ANO2: variants seen among roughly 807,000 people sequenced by gnomAD.
ANO2 encodes anoctamin 2.
Under a neutral mutation model 124.2 loss-of-function variants are expected in ANO2, and 101 were observed. The observed-to-expected ratio is 0.81, with a 90% CI of 0.69 to 0.96. ANO2 has a LOEUF of 0.96. ANO2 is among the 40% of genes least tolerant of loss of function. The pLI is 0.00. For missense variants in ANO2, 1,293 were observed against 1,274.5 expected (o/e 1.01, Z -0.22); for synonymous variants, 486 against 482.5 (o/e 1.01, Z -0.09).
At chr12:5,857,772 T>TGATAGACAGATAGATAGATA (rs1555174404) in intron 3 of ANO2, among the ~76,000 whole-genome samples, 2 of 148,290 alleles carry the variant, frequency 1.3e-5, no homozygotes, top group African/African-American at 5.0e-5. Flanking sequence ...AAAAGAAATG[T>TGATAGACAGATAGATAGATA]GATAGATAGA....
intron 7 of ANO2, among the ~76,000 whole-genome samples, chr12:5,824,643 C>T (rs1953902139): frequency 6.6e-6 from 1 of 152,190 alleles, no homozygotes; most frequent in Non-Finnish European, 1.5e-5. Context: ...CAAACTGTTC[C>T]AACCTCCACC....
At chr12:5,799,623 C>G in intron 9 of ANO2, 52 bp from the exon 10 acceptor site, 1 of 1,540,582 alleles carries the variant, frequency 6.5e-7, no homozygotes, top group Non-Finnish European at 8.9e-7. Flanking sequence ...GGAAACTTCA[C>G]CTGATTTTGT....
rs1342622225 is a variant in ANO2, at chr12:5,658,660, TCATCATCAA to T, written c.1546-10868_1546-10860del. Among the ~76,000 whole-genome samples, 25 of 150,696 alleles carry T rather than the reference TCATCATCAA, an allele frequency of 1.7e-4. No individual in the cohort carries two copies. The highest frequency in any genetic ancestry group is 6.0e-4 in the African/African-American group (24 of 39,982). ...ATCATTGTCATCAATATCATCATCATCATCATCAACATCATTATCATCATTAAATCATCA... is the reference window on the plus strand; with the variant it reads ...ATCATTGTCATCAATATCATCATCATCATCATTATCATCATTAAATCATCA... On this transcript the variant is annotated intron_variant, in intron 14 of 24. Coordinates refer to ENST00000682330, the MANE Select transcript of ANO2 (RefSeq NM_001364791.2). The surrounding 1 kb of genome is among the most constrained non-coding windows in gnomAD (Gnocchi z 4.3).
At chr12:5,808,807 G>A (rs1472198282) in intron 7 of ANO2, among the ~76,000 whole-genome samples, 11 of 152,138 alleles carry the variant, frequency 7.2e-5, no homozygotes, top group Non-Finnish European at 1.5e-5. Context: ...CACATGCTCA[G>A]AGACCCGCAG....
intron 20 of ANO2, among the ~76,000 whole-genome samples, chr12:5,584,706 C>T (rs1234631764): frequency 3.3e-5 from 5 of 152,164 alleles, no homozygotes; most frequent in African/African-American, 1.2e-4. Context: ...CTGACAACGT[C>T]TGGCATAAAA....
intron 14 of ANO2, among the ~76,000 whole-genome samples, chr12:5,691,372 A>G (rs1244860744): frequency 1.3e-5 from 2 of 151,844 alleles, no homozygotes; most frequent in Non-Finnish European, 2.9e-5. Context: ...AAAAGAAAAA[A>G]AGAAATAAGC....
In ANO2 at chr12:5,668,343, G is replaced by C. The variant is rs576868243; in HGVS notation, c.1546-20542C>G. Among the ~76,000 whole-genome samples, 5 of 151,962 alleles carry C rather than the reference G, an allele frequency of 3.3e-5. No individual in the cohort carries two copies. The South Asian group carries it at 8.3e-4, about 25-fold the overall frequency. ...TTATTCATATGTTTGTTGGCTGCAC[G>C]AATGTCTTCTTTTGAGAAGTGTCCA... On this transcript the variant is annotated intron_variant, in intron 14 of 24. Coordinates refer to ENST00000682330, the MANE Select transcript of ANO2 (RefSeq NM_001364791.2).
intron 1 of ANO2, among the ~76,000 whole-genome samples, chr12:5,927,177 G>A (rs1016635391): frequency 6.6e-6 from 1 of 152,170 alleles, no homozygotes; most frequent in African/African-American, 2.4e-5. Flanking sequence ...AGCAGGAGAA[G>A]CACTGGCTGT....
intron 1 of ANO2, among the ~76,000 whole-genome samples, chr12:5,928,468 G>A (rs28392988): frequency 3.4e-4 from 27 of 79,004 alleles, no homozygotes; most frequent in African/African-American, 9.1e-4. Context: ...ACTTTCCTTC[G>A]TCACTAGTCT....
At chr12:5,626,490 G>A (rs1028572474) in intron 16 of ANO2, among the ~76,000 whole-genome samples, 1 of 152,176 alleles carries the variant, frequency 6.6e-6, no homozygotes, top group Admixed American at 6.5e-5. Flanking sequence ...TCCCATCAGA[G>A]GGGTGGGGCT....
At chr12:5,621,463 G>A (rs116481357) in intron 16 of ANO2, among the ~76,000 whole-genome samples, 2,358 of 152,234 alleles carry the variant, frequency 0.015, 65 homozygotes, top group African/African-American at 0.052. Context: ...CAAACTCACC[G>A]ACCTAACATA....
chr12:5,891,703 G>C (rs996879912), intron 3 of ANO2, among the ~76,000 whole-genome samples: 1 of 152,214 alleles, frequency 6.6e-6, no homozygotes, highest in African/African-American at 2.4e-5. Context: ...CTGGCCACTT[G>C]ATAGCATCCA....
chr12:5,565,627 G>T lies in ANO2; in HGVS notation c.2658C>A (p.Asn886Lys). 3 of 1,605,276 alleles carry T rather than the reference G, an allele frequency of 1.9e-6. 1 individual carries two copies. The South Asian group carries it at 3.4e-5, about 18-fold the overall frequency. Residue 886 changes from asparagine to lysine, a missense_variant, in exon 24 of 25, where the codon AAC becomes AAA. Asn to Lys is a moderately conservative substitution (Grantham distance 94, BLOSUM62 0). Transcript: ENST00000682330. ...KDYREPPWAP[N>K]PYEFSKQYWF... is the part of the protein sequence containing the mutation. Reference sequence around the variant, plus strand: ...AGTACTGTTTCGAAAACTCATAAGGGTTCGGGGCCCATGGCGGCTCTCGGT... The same window carrying T: ...AGTACTGTTTCGAAAACTCATAAGGTTTCGGGGCCCATGGCGGCTCTCGGT...
Position 5,832,519 on chromosome 12 carries a change from C to G in ANO2, c.718G>C (p.Val240Leu). The G allele has an allele frequency of 1.2e-6, 2 of 1,613,960 alleles. No individual in the cohort carries two copies. Among genetic ancestry groups the G allele is most frequent in the Non-Finnish European group, 1.7e-6 (2 of 1,179,872 alleles). ...ATCTTGTTGTTGCTGTGTTCTGGAA[C>G]TCGGGGCTGCAGGTGCGAGCTCAGC... is the stretch of plus-strand genomic sequence containing the variant. ...QKLSSHLQPR[V>L]PEHSNNKMKN... The change falls in exon 5 of 25, where the codon GTT becomes CTT. Residue 240 changes from valine (V) to leucine (L), a missense_variant. Transcript: ENST00000682330.
chr12:5,615,040 C>T (rs1944729561), intron 17 of ANO2, 146 bp downstream of exon 17: 3 of 585,804 alleles, frequency 5.1e-6, no homozygotes, highest in Non-Finnish European at 3.1e-6. Flanking sequence ...AACATTCCTT[C>T]TCCATGGGAA....
intron 3 of ANO2, among the ~76,000 whole-genome samples, chr12:5,864,043 G>A (rs1407007090): frequency 6.6e-6 from 1 of 152,054 alleles, no homozygotes; most frequent in African/African-American, 2.4e-5. Context: ...TCTCTGCCTT[G>A]GTACTCAAAG....
At position 5,693,812 on chromosome 12, in the gene ANO2, C is replaced by T. The variant is rs961345592; in HGVS notation, c.1545+38708G>A. Among the ~76,000 whole-genome samples the T allele has an allele frequency of 3.9e-5, 6 of 152,202 alleles. No individual in the cohort carries two copies. The South Asian group carries it at 1.0e-3, about 26-fold the overall frequency. ...CTTCCTCTGCCCGGATTCCTTTCCC[C>T]TCACTGCCACATGACCAGCTCCTCC... On this transcript the variant is annotated intron_variant, in intron 14 of 24. Coordinates refer to ENST00000682330, the MANE Select transcript of ANO2 (RefSeq NM_001364791.2).
intron 14 of ANO2, among the ~76,000 whole-genome samples, chr12:5,699,655 T>C (rs530797507): frequency 6.6e-6 from 1 of 150,850 alleles, no homozygotes; most frequent in Non-Finnish European, 1.5e-5. Flanking sequence ...GCAAATTGGA[T>C]AGAGTCAAGA....
At chr12:5,844,408 G>A (rs1954617375) in intron 4 of ANO2, among the ~76,000 whole-genome samples, 1 of 152,202 alleles carries the variant, frequency 6.6e-6, no homozygotes, top group South Asian at 2.1e-4. Context: ...GCTTGAAGAG[G>A]TGACAGACGT....
Sources: gnomAD v4.1 joint callset for allele counts (sites outside exome capture counted in the v4.1 genomes callset) on GRCh38, gnomAD v4.1.1 for gene constraint, Gnocchi (gnomAD v3.1) non-coding constraint, MANE v1.5 for transcripts, NCBI Gene and HGNC (gene_info 2026-07-23, HGNC 2026-07-21) for gene names.